Variants in PTPRB observed in about 807,000 individuals in gnomAD.
PTPRB encodes the protein protein tyrosine phosphatase receptor type B.
Under a neutral mutation model 238.1 loss-of-function variants are expected in PTPRB, and 97 were observed. The ratio of observed to expected loss-of-function variants is 0.41; its 90% CI spans 0.35 to 0.48. The LOEUF is 0.48. PTPRB is among the 20% of genes least tolerant of loss of function. The pLI, the probability that PTPRB is intolerant of heterozygous loss-of-function variation, is 0.30. For synonymous variants in PTPRB, 970 were observed against 995.4 expected (o/e 0.97, Z 0.48); for missense variants, 2,292 against 2,681.9 (o/e 0.85, Z 3.21).
At chr12:70,610,801 T>G (rs568150426) in intron 3 of PTPRB, among the ~76,000 whole-genome samples, 1 of 152,280 alleles carries the variant, frequency 6.6e-6, no homozygotes, top group South Asian at 2.1e-4. Flanking sequence ...TAAAGCCATT[T>G]CATCCCTAAT....
chr12:70,635,558 T>C, intron 2 of PTPRB, 113 bp downstream of exon 2: 1 of 1,271,752 alleles, frequency 7.9e-7, no homozygotes, highest in Non-Finnish European at 1.1e-6. Context: ...GGAAATATGT[T>C]GGGGCATGTG....
At position 70,532,113 on chromosome 12, in the gene PTPRB, T is replaced by C; in HGVS notation, c.6426A>G (p.Leu2142=). The C allele has an allele frequency of 6.2e-7, 1 of 1,613,958 alleles. No homozygotes were observed. The highest frequency in any genetic ancestry group is 1.1e-5 in the South Asian group (1 of 91,074). ...FIALDRILQQ[L]DSKDSVDIYG... ...AAATGTCCACAGAGTCTTTGGAGTC[T>C]AACTGCTGGAGGATTCGGTCCAATG... Residue 2142 remains leucine (L), a synonymous_variant, in exon 32 of 34, where the codon TTA becomes TTG. Coordinates refer to ENST00000334414, the MANE Select transcript of PTPRB (RefSeq NM_001109754.4).
At chr12:70,564,843 AAATAATAATAATAATAATAAT>A (rs138995596) in intron 15 of PTPRB, among the ~76,000 whole-genome samples, 12 of 96,518 alleles carry the variant, frequency 1.2e-4, no homozygotes, top group South Asian at 1.0e-3. Flanking sequence ...CAAAAATAAT[AAATAATAATAATAATAATAAT>A]AATAATAATA....
At chr12:70,614,147 C>T (rs554493690) in intron 3 of PTPRB, among the ~76,000 whole-genome samples, 1 of 152,096 alleles carries the variant, frequency 6.6e-6, no homozygotes, top group Non-Finnish European at 1.5e-5. Flanking sequence ...CCAGCCTCAC[C>T]ACAGACCTAG....
intron 3 of PTPRB, among the ~76,000 whole-genome samples, chr12:70,614,594 A>G (rs1884598253): frequency 6.6e-6 from 1 of 152,200 alleles, no homozygotes; most frequent in African/African-American, 2.4e-5. Context: ...TGAATACTTA[A>G]GCAAAAAGGA....
intron 20 of PTPRB, among the ~76,000 whole-genome samples, chr12:70,553,570 T>C: frequency 6.6e-6 from 1 of 152,306 alleles, no homozygotes; most frequent in South Asian, 2.1e-4. Flanking sequence ...TTTGGCCCCT[T>C]ACTCAGAGCA....
chr12:70,602,020 C>G (rs551305899), intron 4 of PTPRB, among the ~76,000 whole-genome samples: 1 of 152,032 alleles, frequency 6.6e-6, no homozygotes, highest in East Asian at 1.9e-4. Flanking sequence ...TGGTCTTGAT[C>G]TCCTGATGTT....
intron 13 of PTPRB, 148 bp downstream of exon 13, chr12:70,570,878 C>T: frequency 1.1e-6 from 1 of 873,394 alleles, no homozygotes; most frequent in South Asian, 1.8e-5. Context: ...CCAGGTTGGA[C>T]AACATCATTG....
intron 2 of PTPRB, among the ~76,000 whole-genome samples, chr12:70,629,125 G>C (rs1839646706): frequency 6.6e-6 from 1 of 152,084 alleles, no homozygotes; most frequent in Non-Finnish European, 1.5e-5. Context: ...ATAAACTCTT[G>C]TGTGCCCCCA....
intron 27 of PTPRB, 106 bp from the exon 28 acceptor site, chr12:70,538,337 A>G: frequency 4.4e-6 from 4 of 901,384 alleles, no homozygotes; most frequent in East Asian, 2.5e-5. Context: ...ACAGATGGGA[A>G]GTGATCTTAT....
chr12:70,636,597 A>C (rs530007256), intron 1 of PTPRB, among the ~76,000 whole-genome samples: 1 of 152,306 alleles, frequency 6.6e-6, no homozygotes, highest in African/African-American at 2.4e-5. Flanking sequence ...TTTATCAAAA[A>C]ATAAAACAAA....
chr12:70,575,254 C>T (rs999552945), intron 11 of PTPRB, among the ~76,000 whole-genome samples: 1 of 152,152 alleles, frequency 6.6e-6, no homozygotes, highest in African/African-American at 2.4e-5. Context: ...CTGGGACTTC[C>T]TTTATATCCA....
At chr12:70,540,523 G>A in intron 23 of PTPRB, 1 of 234,586 alleles carries the variant, frequency 4.3e-6, no homozygotes, top group Non-Finnish European at 8.3e-6. Flanking sequence ...ACTTGGGCAT[G>A]CAATTTGCAA....
chr12:70,588,372 G>A (rs145729832), intron 8 of PTPRB, among the ~76,000 whole-genome samples: 4,320 of 152,040 alleles, frequency 0.028, 85 homozygotes, highest in Non-Finnish European at 0.04. Flanking sequence ...AGTGCCTCAT[G>A]CCAGTAATCC....
At chr12:70,608,067 A>C (rs751788313) in intron 4 of PTPRB, among the ~76,000 whole-genome samples, 6 of 152,214 alleles carry the variant, frequency 3.9e-5, no homozygotes, top group Non-Finnish European at 8.8e-5. Context: ...TAGAGCTGAA[A>C]GTTCTCACAC....
At chr12:70,595,598 A>G (rs1882943830) in intron 5 of PTPRB, among the ~76,000 whole-genome samples, 1 of 152,204 alleles carries the variant, frequency 6.6e-6, no homozygotes, top group South Asian at 2.1e-4. Flanking sequence ...CTTATTTTTC[A>G]CCACATTGGA....
intron 20 of PTPRB, among the ~76,000 whole-genome samples, chr12:70,554,552 G>C (rs1210468150): frequency 6.6e-6 from 1 of 152,164 alleles, no homozygotes. Flanking sequence ...CCTAGACTTT[G>C]TTCTTATCTG....
rs1323703558 is a variant in PTPRB, at chr12:70,518,946, A to G, written c.*2543T>C. 6.6e-6 allele frequency: 1 copy of G among 152,184 alleles called. No individual in the cohort carries two copies. Among genetic ancestry groups the G allele is most frequent in the Non-Finnish European group, 1.5e-5 (1 of 68,022 alleles). 9.4% of individuals were successfully genotyped at this position (152,184 alleles called of 1,614,324 possible). A position where few individuals can be genotyped will look rare whatever the true frequency, so the allele number is the denominator to read the frequency against. On this transcript the variant is annotated 3_prime_UTR_variant, in exon 34 of 34. Transcript: ENST00000334414. ...TTACCAAGACATAACACATGATGCA[A>G]TTAAATGGAAATAAATCCAATAGAG...
chr12:70,525,795 T>C (rs540187943), intron 32 of PTPRB, among the ~76,000 whole-genome samples: 171 of 152,234 alleles, frequency 1.1e-3, no homozygotes, highest in Non-Finnish European at 2.2e-3. Context: ...TGAAGGAGAC[T>C]GGGCTCTCAG....
Sources: allele counts gnomAD v4.1 joint callset (sites outside exome capture counted in the v4.1 genomes callset), GRCh38; gene constraint gnomAD v4.1.1; transcripts MANE v1.5; gene names NCBI Gene and HGNC (gene_info 2026-07-23, HGNC 2026-07-21).